The following CDH13 variants were observed in gnomAD, a reference collection of about 807,000 sequenced individuals.
CDH13 encodes the protein cadherin 13, also known as cadherin-13.
A neutral mutation model predicts 63.8 loss-of-function variants in CDH13; 24 were observed. The observed-to-expected ratio is 0.38, with a 90% confidence interval of 0.27 to 0.53. The LOEUF (loss-of-function observed/expected upper bound fraction) is 0.53, where lower values mean the gene tolerates loss of function less well. Among genes scored for constraint, CDH13 ranks in the 20% least tolerant of loss-of-function variants. The probability of loss-of-function intolerance (pLI) is 0.85; values close to 1 mark genes in which losing one functional copy is unlikely to be tolerated. For synonymous variants in CDH13, 503 were observed against 355.3 expected, an observed-to-expected ratio of 1.42 and a Z score of -4.67; for missense variants, 1,049 against 903.1, an observed-to-expected ratio of 1.16 and a Z score of -2.07.
chr16:82,884,184 G>C (rs77405422), intron 2 of CDH13: 3 of 455,864 alleles, frequency 6.6e-6, no homozygotes, highest in Non-Finnish European at 8.8e-6. Flanking sequence ...ACATAATACA[G>C]ATGTATTCTA....
chr16:82,806,451 G>A (rs2037149647), intron 1 of CDH13, among the ~76,000 whole-genome samples: 1 of 152,118 alleles, frequency 6.6e-6, no homozygotes, highest in African/African-American at 2.4e-5. Flanking sequence ...ACAAAACTTG[G>A]AATTTTAAAG....
At chr16:83,297,779 A>G (rs1450439814) in intron 5 of CDH13, among the ~76,000 whole-genome samples, 3 of 152,202 alleles carry the variant, frequency 2.0e-5, no homozygotes, top group Admixed American at 6.5e-5. Context: ...ACAAATGACC[A>G]AAGGAATGGA....
At chr16:83,612,545 T>A (rs186631817) in intron 8 of CDH13, among the ~76,000 whole-genome samples, 1 of 152,100 alleles carries the variant, frequency 6.6e-6, no homozygotes, top group Middle Eastern at 3.2e-3. Flanking sequence ...AATCTACCAG[T>A]CTAAGTATTT....
At chr16:83,043,712 A>T (rs1188365290) in intron 3 of CDH13, among the ~76,000 whole-genome samples, 1 of 151,938 alleles carries the variant, frequency 6.6e-6, no homozygotes, top group Non-Finnish European at 1.5e-5. Flanking sequence ...TACAAAAATT[A>T]GCTGGGCATG....
chr16:83,174,205 G>C (rs761423041), intron 4 of CDH13, among the ~76,000 whole-genome samples: 9 of 152,014 alleles, frequency 5.9e-5, no homozygotes, highest in Non-Finnish European at 1.3e-4. Flanking sequence ...TCAGTTCGGG[G>C]TCTGTCAAAT....
intron 8 of CDH13, among the ~76,000 whole-genome samples, chr16:83,603,444 A>T (rs1908038627): frequency 1.3e-5 from 2 of 152,206 alleles, no homozygotes; most frequent in Admixed American, 6.5e-5. Flanking sequence ...TTTACAAATG[A>T]GCTTACTGTG....
At chr16:83,241,685 A>T (rs1904466456) in intron 5 of CDH13, among the ~76,000 whole-genome samples, 5 of 151,952 alleles carry the variant, frequency 3.3e-5, no homozygotes, top group African/African-American at 1.2e-4. Flanking sequence ...GTTTATTTGG[A>T]TTTTTGTTGG....
intron 1 of CDH13, among the ~76,000 whole-genome samples, chr16:82,740,482 G>A (rs552266345): frequency 2.2e-4 from 34 of 152,272 alleles, no homozygotes; most frequent in African/African-American, 7.0e-4. Context: ...CCAGTGTATC[G>A]GTTAGCCGTT....
At chr16:83,419,111 T>G (rs1205296823) in intron 6 of CDH13, among the ~76,000 whole-genome samples, 1 of 152,160 alleles carries the variant, frequency 6.6e-6, no homozygotes, top group East Asian at 1.9e-4. Flanking sequence ...GACCTAACTG[T>G]TGTCCTCCCT....
intron 8 of CDH13, among the ~76,000 whole-genome samples, chr16:83,658,678 C>G (rs1913124903): frequency 6.6e-6 from 1 of 151,424 alleles, no homozygotes; most frequent in African/African-American, 2.4e-5. Context: ...AGCAAGGTCC[C>G]ATATCCTCAC....
Position 82,797,048 on chromosome 16 carries a change from A to T in CDH13, c.46-61314A>T, listed in dbSNP as rs149564367. On this transcript the variant is annotated intron_variant, in intron 1 of 13. Transcript: ENST00000567109. The stretch of plus-strand genomic sequence containing the variant: ...CATTGCATACGATTCTTCCATGACT[A>T]TGTACTTGTCATGAGTTATTCCTCA... Among the ~76,000 whole-genome samples the T allele has an allele frequency of 2.5e-3, 380 of 152,348 alleles. 1 individual carries two copies. Among genetic ancestry groups the T allele is most frequent in the Admixed American group, 3.8e-3 (58 of 15,300 alleles).
At chr16:83,741,096 T>C (rs539766346) in intron 10 of CDH13, among the ~76,000 whole-genome samples, 12 of 152,360 alleles carry the variant, frequency 7.9e-5, no homozygotes, top group African/African-American at 2.9e-4. Flanking sequence ...TGGACTGTGA[T>C]GGGCTGTGAC....
intron 5 of CDH13, among the ~76,000 whole-genome samples, chr16:83,260,929 G>A (rs1045258417): frequency 1.3e-5 from 2 of 152,096 alleles, no homozygotes; most frequent in Non-Finnish European, 2.9e-5. Context: ...CTTGGGGGGC[G>A]GCCATGTATC....
rs778316746 is a variant in CDH13 at position 83,342,843 on chromosome 16, GTTTTTTTTTTTTTTT to G, written c.637-2009_637-1995del. 9.2e-5 allele frequency among the ~76,000 whole-genome samples: 6 copies of G among 65,316 alleles called. No homozygotes were observed. The Admixed American group carries it at 9.3e-4, about 10-fold the overall frequency. 42.8% of individuals were successfully genotyped at this position (65,316 alleles called of 152,430 possible). A position where few individuals can be genotyped will look rare whatever the true frequency, so the allele number is the denominator to read the frequency against. On this transcript the variant is annotated intron_variant, in intron 5 of 13. Coordinates refer to ENST00000567109, the MANE Select transcript of CDH13 (RefSeq NM_001257.5). ...TTAGGCACAGTGTTTTTTTGTTTCT[GTTTTTTTTTTTTTTT>G]TTTTTTTTTGGTTGAGTTAAAGTCA... is the stretch of plus-strand genomic sequence containing the variant.
At chr16:83,516,811 T>C (rs993102747) in intron 7 of CDH13, among the ~76,000 whole-genome samples, 4 of 152,248 alleles carry the variant, frequency 2.6e-5, no homozygotes, top group African/African-American at 9.6e-5. Context: ...CTGAGTGTTT[T>C]TTACAATGGC....
chr16:83,063,055 A>T (rs898951037), intron 3 of CDH13, among the ~76,000 whole-genome samples: 7 of 149,190 alleles, frequency 4.7e-5, no homozygotes, highest in Non-Finnish European at 7.4e-5. Context: ...TCTGACTTCC[A>T]GGTTCAAGTG....
intron 6 of CDH13, among the ~76,000 whole-genome samples, chr16:83,368,885 T>C (rs1368162776): frequency 1.5e-4 from 5 of 33,378 alleles, no homozygotes; most frequent in African/African-American, 7.8e-4. Context: ...TATTCCATGT[T>C]ATATATATAT....
At chr16:82,676,127 A>C (rs1913871430) in intron 1 of CDH13, among the ~76,000 whole-genome samples, 1 of 152,204 alleles carries the variant, frequency 6.6e-6, no homozygotes, top group Admixed American at 6.5e-5. Flanking sequence ...GATCTCATCC[A>C]TGTCCATGGA....
chr16:83,409,966 C>A (rs562126887), intron 6 of CDH13, among the ~76,000 whole-genome samples: 3 of 152,262 alleles, frequency 2.0e-5, no homozygotes, highest in East Asian at 1.9e-4. Flanking sequence ...TTTAAAGCCT[C>A]CTTAAGAAGG....
Sources: allele counts gnomAD v4.1 joint callset (sites outside exome capture counted in the v4.1 genomes callset), GRCh38; gene constraint gnomAD v4.1.1; transcripts MANE v1.5; gene names NCBI Gene and HGNC (gene_info 2026-07-23, HGNC 2026-07-21).